CELF1: variants seen among roughly 807,000 people sequenced by gnomAD.
The protein encoded by CELF1 is 50 kDa nuclear polyadenylated RNA-binding protein.
In CELF1, 10 loss-of-function variants were observed where a neutral mutation model predicts 61.8. The ratio of observed to expected loss-of-function variants is 0.16; its 90% confidence interval spans 0.10 to 0.27. The LOEUF is 0.27. Ranked by LOEUF, CELF1 falls within the 10% of genes least tolerant of loss-of-function variation. The pLI, the probability that CELF1 is intolerant of heterozygous loss-of-function variation, is 1.00. For synonymous variants in CELF1, 236 were observed against 225.1 expected, an observed-to-expected ratio of 1.05 and a Z score of -0.43; for missense variants, 380 against 639.1, an observed-to-expected ratio of 0.59 and a Z score of 4.37.
intron 1 of CELF1, among the ~76,000 whole-genome samples, chr11:47,518,455 C>G (rs9666924): frequency 2.0e-5 from 3 of 152,052 alleles, no homozygotes; most frequent in Non-Finnish European, 4.4e-5. Context: ...TCTATAAATA[C>G]AGCTTTTGGC....
At chr11:47,542,437 G>T (rs936218473) in intron 1 of CELF1, among the ~76,000 whole-genome samples, 2 of 151,512 alleles carry the variant, frequency 1.3e-5, no homozygotes, top group Non-Finnish European at 2.9e-5. Context: ...GATTAAGTGA[G>T]ATCCATTAGG....
intron 1 of CELF1, among the ~76,000 whole-genome samples, chr11:47,504,528 T>C (rs1257527077): frequency 2.0e-5 from 3 of 151,984 alleles, no homozygotes; most frequent in Non-Finnish European, 4.4e-5. Flanking sequence ...GCAGTGATAC[T>C]TGATCGCACC....
upstream of CELF1, among the ~76,000 whole-genome samples, chr11:47,556,523 G>A (rs996823833): frequency 1.3e-5 from 2 of 152,166 alleles, no homozygotes; most frequent in Admixed American, 6.6e-5. Context: ...GATACAAAAT[G>A]AGATTGATAA....
At chr11:47,542,309 A>G (rs976668774) in intron 1 of CELF1, among the ~76,000 whole-genome samples, 8 of 152,178 alleles carry the variant, frequency 5.3e-5, no homozygotes, top group African/African-American at 1.9e-4. Flanking sequence ...CGAAGGCTGC[A>G]GTGAGCTGAG....
intron 9 of CELF1, among the ~76,000 whole-genome samples, chr11:47,481,439 A>G (rs760887024): frequency 2.0e-5 from 3 of 152,080 alleles, no homozygotes; most frequent in African/African-American, 4.8e-5. Flanking sequence ...CTAAACTGGG[A>G]TTTCTTATAA....
intron 1 of CELF1, among the ~76,000 whole-genome samples, chr11:47,536,964 CA>C (rs1395797853): frequency 6.6e-6 from 1 of 151,936 alleles, no homozygotes; most frequent in African/African-American, 2.4e-5. Context: ...AGCCTAGAAA[CA>C]AAAAGGAGAA....
intron 2 of CELF1, among the ~76,000 whole-genome samples, chr11:47,558,646 A>G (rs2097214808): frequency 8.8e-6 from 1 of 113,158 alleles, no homozygotes; most frequent in African/African-American, 3.5e-5. Flanking sequence ...TGTGTAATAT[A>G]TTAGATATAA....
chr11:47,516,075 C>T (rs1207134932), intron 1 of CELF1, among the ~76,000 whole-genome samples: 5 of 151,420 alleles, frequency 3.3e-5, no homozygotes, highest in Admixed American at 1.3e-4. Context: ...TGGTGGCAGG[C>T]GCCTGTAATC....
At chr11:47,517,923 G>A (rs925830230) in intron 1 of CELF1, among the ~76,000 whole-genome samples, 2 of 152,078 alleles carry the variant, frequency 1.3e-5, no homozygotes, top group Non-Finnish European at 2.9e-5. Flanking sequence ...TTACAGGCAC[G>A]AGCCACTGTG....
Position 47,535,692 on chromosome 11 carries a change from A to AAT in CELF1, c.-154+17299_-154+17300insAT, listed in dbSNP as rs1555189096. Reference sequence around the variant, plus strand: ...GAAACCCCATCTCAAAAAAAAAAAAAAAATAAATCATGTCTTGTTTTGCTA... The same window carrying AAT: ...GAAACCCCATCTCAAAAAAAAAAAAAATAAATAAATCATGTCTTGTTTTGCTA... On this transcript the variant is annotated intron_variant, in intron 1 of 14. Coordinates refer to ENST00000687097, the MANE Select transcript of CELF1 (RefSeq NM_001376376.1). Among the ~76,000 whole-genome samples the AAT allele has an allele frequency of 1.9e-3, 282 of 151,108 alleles. 1 individual carries two copies. Among genetic ancestry groups the AAT allele is most frequent in the Middle Eastern group, 0.014 (4 of 294 alleles).
intron 1 of CELF1, among the ~76,000 whole-genome samples, chr11:47,538,064 C>T (rs1209051797): frequency 6.6e-6 from 1 of 151,876 alleles, no homozygotes; most frequent in Non-Finnish European, 1.5e-5. Context: ...TACAGGTGTG[C>T]ACCACCATGC....
At chr11:47,498,553 A>G (rs916240156) in intron 3 of CELF1, among the ~76,000 whole-genome samples, 21 of 152,236 alleles carry the variant, frequency 1.4e-4, no homozygotes, top group Non-Finnish European at 1.9e-4. Context: ...AAAGACTTGC[A>G]TTAACACTTG....
intron 5 of CELF1, 132 bp from the exon 6 acceptor site, chr11:47,486,930 C>T (rs1181265938): frequency 2.5e-6 from 2 of 784,586 alleles, no homozygotes; most frequent in African/African-American, 3.5e-5. Flanking sequence ...ATGATCTTTC[C>T]CCAGAAAACA....
chr11:47,506,345 T>A (rs1188496655), intron 1 of CELF1, among the ~76,000 whole-genome samples: 4 of 142,680 alleles, frequency 2.8e-5, no homozygotes, highest in African/African-American at 9.9e-5. Context: ...GAGAATTGCT[T>A]GAACCCGGGA....
Position 47,472,377 on chromosome 11 carries a change from C to T in CELF1, c.1418-20G>A. 1 of 1,611,640 alleles carries T rather than the reference C, an allele frequency of 6.2e-7. No homozygotes were observed. The highest frequency in any genetic ancestry group is 1.1e-5 in the South Asian group (1 of 91,022). ...CAAAACCTGTGTGTCCAAGCAGAAA[C>T]CTAGGTGAGGGACATAATGAGGCAA... On this transcript the variant is annotated intron_variant, in intron 14 of 14. Transcript: ENST00000687097.
At chr11:47,488,082 A>C (rs2088757064) in intron 4 of CELF1, among the ~76,000 whole-genome samples, 1 of 152,232 alleles carries the variant, frequency 6.6e-6, no homozygotes, top group African/African-American at 2.4e-5. Flanking sequence ...CTGCTTCTAG[A>C]TCCTCTGCTA....
intron 3 of CELF1, among the ~76,000 whole-genome samples, chr11:47,498,815 A>T (rs2093531278): frequency 6.6e-6 from 1 of 152,114 alleles, no homozygotes; most frequent in Non-Finnish European, 1.5e-5. Context: ...TCACTCTCAC[A>T]ATTTATTTGG....
rs1194918224 is a variant in CELF1, at chr11:47,476,698, T to G, written c.1087+148A>C. 6.2e-6 allele frequency: 4 copies of G among 642,388 alleles called. No homozygotes were observed. In the Admixed American group the frequency reaches 9.8e-5, roughly 16 times the overall value. 39.8% of individuals were successfully genotyped at this position (642,388 alleles called of 1,614,324 possible). On this transcript the variant is annotated intron_variant, in intron 12 of 14. Coordinates refer to ENST00000687097, the MANE Select transcript of CELF1 (RefSeq NM_001376376.1). Reference sequence around the variant, plus strand: ...ACCTTGACCTCCCAAAGTGCTGGGATTAGAGGTGTGAGCCACCACACCTGG... The same window carrying G: ...ACCTTGACCTCCCAAAGTGCTGGGAGTAGAGGTGTGAGCCACCACACCTGG...
At chr11:47,528,286 A>T (rs2096329856) in intron 1 of CELF1, among the ~76,000 whole-genome samples, 1 of 152,158 alleles carries the variant, frequency 6.6e-6, no homozygotes, top group South Asian at 2.1e-4. Flanking sequence ...ATCGGGGTCC[A>T]TATGTATGGC....
Sources: gnomAD v4.1 joint callset for allele counts (sites outside exome capture counted in the v4.1 genomes callset) on GRCh38, gnomAD v4.1.1 for gene constraint, MANE v1.5 for transcripts, NCBI Gene and HGNC (gene_info 2026-07-23, HGNC 2026-07-21) for gene names.